The following PAX7 variants were observed in gnomAD, a reference collection of about 807,000 sequenced individuals.
PAX7 encodes paired box 7.
A neutral mutation model predicts 50.7 loss-of-function variants in PAX7; 18 were observed. That is an observed-to-expected ratio of 0.36 (90% confidence interval 0.25 to 0.53). The LOEUF is 0.53. PAX7 is among the 20% of genes least tolerant of loss of function. PAX7 has a pLI of 0.93. For synonymous variants in PAX7, 310 were observed against 290.4 expected, an observed-to-expected ratio of 1.07 and a Z score of -0.69; for missense variants, 644 against 702.9, an observed-to-expected ratio of 0.92 and a Z score of 0.95.
chr1:18,731,592 T>TA (rs547636329), intron 7 of PAX7, among the ~76,000 whole-genome samples: 16 of 151,892 alleles, frequency 1.1e-4, no homozygotes, highest in Non-Finnish European at 2.2e-4. Flanking sequence ...CATCAGTGAG[T>TA]GTTCTCCCCT....
intron 7 of PAX7, among the ~76,000 whole-genome samples, chr1:18,711,318 A>G (rs1557545185): frequency 6.6e-6 from 1 of 151,974 alleles, no homozygotes; most frequent in Non-Finnish European, 1.5e-5. Flanking sequence ...GGAAAATTCA[A>G]ATTAGGTGCC....
chr1:18,738,038 G>C (rs1407067183), intron 8 of PAX7, among the ~76,000 whole-genome samples: 1 of 152,208 alleles, frequency 6.6e-6, no homozygotes, highest in Non-Finnish European at 1.5e-5. Context: ...GTAAATAGGG[G>C]TGAGTGTATG....
At chr1:18,653,187 AT>A (rs5772811) in intron 4 of PAX7, among the ~76,000 whole-genome samples, 52,716 of 143,298 alleles carry the variant, frequency 0.37, 9,539 homozygotes, top group Middle Eastern at 0.46. Context: ...GGTTTTTTTC[AT>A]TTTTTTTTTT....
intron 4 of PAX7, among the ~76,000 whole-genome samples, chr1:18,661,476 C>T (rs763898089): frequency 3.3e-5 from 5 of 152,236 alleles, no homozygotes; most frequent in Non-Finnish European, 7.3e-5. Flanking sequence ...GAGGATCGAA[C>T]TGGCCTTTCC....
chr1:18,705,997 T>G (rs1471584134), intron 7 of PAX7, among the ~76,000 whole-genome samples: 2 of 152,124 alleles, frequency 1.3e-5, no homozygotes, highest in Non-Finnish European at 2.9e-5. Context: ...GCAGGCCGTG[T>G]GTGCTTCTGT....
rs139682456 is a variant in PAX7 at position 18,713,039 on chromosome 1, G to A, written c.1155+9743G>A. On this transcript the variant is annotated intron_variant, in intron 7 of 8. Transcript: ENST00000420770. ...GGAGGTTGCAATGAGCTGAGATAAC[G>A]CTACTGCCTTCAAGCCGGGGCAACA... 1.7e-3 allele frequency among the ~76,000 whole-genome samples: 265 copies of A among 152,148 alleles called. 7 individuals carry two copies. In the East Asian group the frequency reaches 0.045, roughly 26 times the overall value.
intron 4 of PAX7, among the ~76,000 whole-genome samples, chr1:18,683,235 C>T (rs1045666563): frequency 1.1e-4 from 16 of 152,296 alleles, no homozygotes; most frequent in Middle Eastern, 3.4e-3. Context: ...ATGAATCAAG[C>T]GTGGATAGTT....
chr1:18,707,780 A>G (rs562825575), intron 7 of PAX7, among the ~76,000 whole-genome samples: 85 of 152,034 alleles, frequency 5.6e-4, no homozygotes, highest in African/African-American at 2.0e-3. Context: ...AAATGCCCTC[A>G]CTTGCACTCT....
At chr1:18,639,472 G>A (rs992411820) in intron 4 of PAX7, among the ~76,000 whole-genome samples, 10 of 151,448 alleles carry the variant, frequency 6.6e-5, no homozygotes, top group South Asian at 4.2e-4. Context: ...GACCGTTGCC[G>A]ATAGGTGCTT....
At chr1:18,646,029 A>T (rs2088332566) in intron 4 of PAX7, among the ~76,000 whole-genome samples, 1 of 152,190 alleles carries the variant, frequency 6.6e-6, no homozygotes, top group African/African-American at 2.4e-5. Context: ...TATGGTAGAA[A>T]AATAAAGTCC....
At chr1:18,704,741 G>A (rs1249446683) in intron 7 of PAX7, among the ~76,000 whole-genome samples, 1 of 151,780 alleles carries the variant, frequency 6.6e-6, no homozygotes, top group East Asian at 1.9e-4. Context: ...ACATTCCCAA[G>A]AATGTTAATT....
chr1:18,659,797 T>C (rs1408067847), intron 4 of PAX7, among the ~76,000 whole-genome samples: 1 of 152,092 alleles, frequency 6.6e-6, no homozygotes, highest in East Asian at 1.9e-4. Context: ...CAGACTGGGA[T>C]TGTTGCTCAC....
intron 7 of PAX7, among the ~76,000 whole-genome samples, chr1:18,713,474 T>G (rs1387134919): frequency 6.6e-6 from 1 of 152,320 alleles, no homozygotes; most frequent in South Asian, 2.1e-4. Flanking sequence ...CAGGAGGATT[T>G]TGAGGCAGCT....
At chr1:18,744,482 A>AG (rs1931324435) in intron 8 of PAX7, among the ~76,000 whole-genome samples, 1 of 14,300 alleles carries the variant, frequency 7.0e-5, no homozygotes. Context: ...ATGGATGGAT[A>AG]AATGGATGGA....
intron 4 of PAX7, among the ~76,000 whole-genome samples, chr1:18,662,159 C>A (rs2088609285): frequency 6.6e-6 from 1 of 152,064 alleles, no homozygotes; most frequent in Admixed American, 6.6e-5. Flanking sequence ...GAGGCAGCTC[C>A]TCCTGCAGGC....
In PAX7 at chr1:18,748,059, T is replaced by G. The variant is rs145671833; in HGVS notation, c.*3130T>G. 2.7e-3 allele frequency: 560 copies of G among 210,502 alleles called. 4 individuals carry two copies. Among genetic ancestry groups the G allele is most frequent in the African/African-American group, 0.012 (516 of 44,246 alleles). The allele number at this position is 210,502 out of a possible 1,614,324, so 13.0% of individuals were successfully genotyped here. A position where few individuals can be genotyped will look rare whatever the true frequency, so the allele number is the denominator to read the frequency against. On this transcript the variant is annotated 3_prime_UTR_variant, in exon 9 of 9. Transcript: ENST00000420770. ...TTCCATTTTATACTTGATTTAGCTT[T>G]GTTGTTCTTTTGCCAGAGGAACATC...
rs1264598035 is a variant in PAX7 at position 18,747,544 on chromosome 1, T to C, written c.*2615T>C. The C allele has an allele frequency of 9.4e-6, 2 of 213,200 alleles. No individual in the cohort carries two copies. Among genetic ancestry groups the C allele is most frequent in the Non-Finnish European group, 1.9e-5 (2 of 105,318 alleles). 13.2% of individuals were successfully genotyped at this position (213,200 alleles called of 1,614,324 possible). Reference sequence around the variant, plus strand: ...ACATCACCAGAGAGGTGATGTTGAATGAGAGACACAAGGCCTCCATCTCTT... The same window carrying C: ...ACATCACCAGAGAGGTGATGTTGAACGAGAGACACAAGGCCTCCATCTCTT... On this transcript the variant is annotated 3_prime_UTR_variant, in exon 9 of 9. Transcript: ENST00000420770.
chr1:18,667,716 G>C (rs2088690910), intron 4 of PAX7, among the ~76,000 whole-genome samples: 2 of 152,090 alleles, frequency 1.3e-5, no homozygotes, highest in Admixed American at 6.5e-5. Flanking sequence ...TCAGGGATAT[G>C]GTGTCAATGA....
At chr1:18,725,995 C>CGCGCGCGCGT (rs1557554086) in intron 7 of PAX7, among the ~76,000 whole-genome samples, 5 of 138,700 alleles carry the variant, frequency 3.6e-5, no homozygotes, top group African/African-American at 5.4e-5. Context: ...TGTGTGTGTG[C>CGCGCGCGCGT]GCGCGCGCGC....
Sources: gnomAD v4.1 joint callset for allele counts (sites outside exome capture counted in the v4.1 genomes callset) on GRCh38, gnomAD v4.1.1 for gene constraint, MANE v1.5 for transcripts, NCBI Gene and HGNC (gene_info 2026-07-23, HGNC 2026-07-21) for gene names.